The following AKAP6 variants were observed in gnomAD, a reference collection of about 807,000 sequenced individuals.
The protein encoded by AKAP6 is A-kinase anchor protein 6.
A neutral mutation model predicts 188.5 loss-of-function variants in AKAP6; 58 were observed. The ratio of observed to expected loss-of-function variants is 0.31; its 90% CI spans 0.25 to 0.38. The LOEUF is 0.38. AKAP6 is among the 10% of genes least tolerant of loss of function. The pLI is 1.00. For synonymous variants in AKAP6, 989 were observed against 998.6 expected (o/e 0.99, Z 0.18); for missense variants, 2,710 against 2,740.0 (o/e 0.99, Z 0.24).
chr14:32,512,761 G>A (rs1470765010), intron 2 of AKAP6, among the ~76,000 whole-genome samples: 2 of 152,122 alleles, frequency 1.3e-5, no homozygotes, highest in Admixed American at 6.6e-5. Flanking sequence ...CAAGGAGCAG[G>A]CAAAATACCA....
At chr14:32,510,210 C>G (rs1314631934) in intron 2 of AKAP6, among the ~76,000 whole-genome samples, 2 of 151,630 alleles carry the variant, frequency 1.3e-5, no homozygotes, top group South Asian at 2.1e-4. Flanking sequence ...TGTCTCTCTG[C>G]TATAATGCAC....
chr14:32,489,845 C>T (rs922609614), intron 2 of AKAP6, among the ~76,000 whole-genome samples: 3 of 152,158 alleles, frequency 2.0e-5, no homozygotes, highest in Non-Finnish European at 2.9e-5. Context: ...CTCACGTGTC[C>T]GTGTGAAGAG....
intron 1 of AKAP6, among the ~76,000 whole-genome samples, chr14:32,395,860 G>A (rs1167287283): frequency 2.0e-5 from 3 of 152,124 alleles, no homozygotes; most frequent in Admixed American, 1.3e-4. Context: ...ATTTGTTCAT[G>A]TGTCTGTCCC....
rs536227077 is a variant in AKAP6 at position 32,732,808 on chromosome 14, G to C, written c.3147+208G>C. On this transcript the variant is annotated intron_variant, in intron 10 of 13. Coordinates refer to ENST00000280979, the MANE Select transcript of AKAP6 (RefSeq NM_004274.5). Reference sequence around the variant, plus strand: ...TTTTTTCTGAGCTTGTCCCCTCTCAGATTTTAATAATTTTGGTTCTTTAAT... The same window carrying C: ...TTTTTTCTGAGCTTGTCCCCTCTCACATTTTAATAATTTTGGTTCTTTAAT... 2.7e-5 allele frequency: 17 copies of C among 633,510 alleles called. 1 individual carries two copies. Among genetic ancestry groups the C allele is most frequent in the African/African-American group, 1.9e-4 (10 of 53,908 alleles). 39.2% of individuals were successfully genotyped at this position (633,510 alleles called of 1,614,324 possible).
intron 7 of AKAP6, among the ~76,000 whole-genome samples, chr14:32,657,322 C>T (rs1888497182): frequency 6.6e-6 from 1 of 152,134 alleles, no homozygotes; most frequent in Non-Finnish European, 1.5e-5. Flanking sequence ...GTGGCAGGAA[C>T]AAGAAGAGAG....
chr14:32,660,717 G>A (rs184740078), intron 7 of AKAP6, among the ~76,000 whole-genome samples: 99 of 152,088 alleles, frequency 6.5e-4, no homozygotes, highest in African/African-American at 2.3e-3. Flanking sequence ...TATTTAAAAC[G>A]TGAGATTCTG....
intron 2 of AKAP6, among the ~76,000 whole-genome samples, chr14:32,465,546 C>A (rs574906443): frequency 6.6e-6 from 1 of 152,246 alleles, no homozygotes; most frequent in East Asian, 1.9e-4. Flanking sequence ...ATGTAGAAAC[C>A]TGACACTGGA....
intron 2 of AKAP6, among the ~76,000 whole-genome samples, chr14:32,438,108 G>A (rs1890446775): frequency 6.6e-6 from 1 of 152,138 alleles, no homozygotes; most frequent in Non-Finnish European, 1.5e-5. Flanking sequence ...TGCACAGCAA[G>A]TCACATAAGG....
intron 7 of AKAP6, among the ~76,000 whole-genome samples, chr14:32,637,199 A>G (rs1887534341): frequency 6.6e-6 from 1 of 152,144 alleles, no homozygotes; most frequent in Non-Finnish European, 1.5e-5. Flanking sequence ...CATTTCATAA[A>G]TATTAGCTTA....
At chr14:32,430,889 G>A (rs1472334321) in intron 1 of AKAP6, among the ~76,000 whole-genome samples, 2 of 152,014 alleles carry the variant, frequency 1.3e-5, no homozygotes, top group Admixed American at 6.6e-5. Flanking sequence ...GGCGGATCAC[G>A]AGGTCAGGAG....
At chr14:32,799,329 T>A (rs2033868360) in intron 12 of AKAP6, among the ~76,000 whole-genome samples, 1 of 152,166 alleles carries the variant, frequency 6.6e-6, no homozygotes, top group Non-Finnish European at 1.5e-5. Flanking sequence ...CTCTTATTTT[T>A]AATATTTTTT....
intron 1 of AKAP6, among the ~76,000 whole-genome samples, chr14:32,400,386 T>C (rs1889043905): frequency 6.6e-6 from 1 of 151,912 alleles, no homozygotes; most frequent in African/African-American, 2.4e-5. Context: ...CAGTGACATT[T>C]AGAGTTACAA....
chr14:32,772,976 G>A (rs2032945107), intron 11 of AKAP6, among the ~76,000 whole-genome samples: 1 of 152,184 alleles, frequency 6.6e-6, no homozygotes, highest in Admixed American at 6.5e-5. Flanking sequence ...GGTCACTGCA[G>A]CAATACAAAT....
intron 1 of AKAP6, among the ~76,000 whole-genome samples, chr14:32,394,231 C>T (rs1488140408): frequency 6.6e-6 from 1 of 152,106 alleles, no homozygotes; most frequent in East Asian, 1.9e-4. Context: ...ACATTTTCTG[C>T]TACCATCATC....
chr14:32,748,902 C>T (rs1338442464), intron 11 of AKAP6, among the ~76,000 whole-genome samples: 1 of 152,090 alleles, frequency 6.6e-6, no homozygotes, highest in Non-Finnish European at 1.5e-5. Flanking sequence ...CCTCTTTTTA[C>T]CTCTTGTTTC....
At chr14:32,500,119 C>G (rs992866714) in intron 2 of AKAP6, among the ~76,000 whole-genome samples, 1 of 152,134 alleles carries the variant, frequency 6.6e-6, no homozygotes, top group East Asian at 1.9e-4. Context: ...TAGGTCTTTA[C>G]TTTCAAGAAA....
intron 7 of AKAP6, among the ~76,000 whole-genome samples, chr14:32,660,983 T>C (rs1314095020): frequency 8.0e-6 from 1 of 124,512 alleles, no homozygotes; most frequent in African/African-American, 3.0e-5. Context: ...CATTGCTCCC[T>C]CTCCTGCTTT....
intron 7 of AKAP6, among the ~76,000 whole-genome samples, chr14:32,609,810 C>T (rs954721107): frequency 6.6e-6 from 1 of 151,824 alleles, no homozygotes; most frequent in African/African-American, 2.4e-5. Flanking sequence ...GCATTGGTTC[C>T]ACAGGCTGCC....
chr14:32,635,448 A>G (rs935539186), intron 7 of AKAP6, among the ~76,000 whole-genome samples: 4 of 152,094 alleles, frequency 2.6e-5, no homozygotes, highest in African/African-American at 9.7e-5. Flanking sequence ...CACATGATAC[A>G]AGCATATCAC....
Sources: allele counts gnomAD v4.1 joint callset (sites outside exome capture counted in the v4.1 genomes callset), GRCh38; gene constraint gnomAD v4.1.1; transcripts MANE v1.5; gene names NCBI Gene and HGNC (gene_info 2026-07-23, HGNC 2026-07-21).